POTEJ: variants seen among roughly 807,000 people sequenced by gnomAD.
POTEJ encodes the protein POTE ankyrin domain family member J, also known as POTE ankyrin domain family, member J.
Under a neutral mutation model 69.0 loss-of-function variants are expected in POTEJ, and 11 were observed. That is an observed-to-expected ratio of 0.16 (90% CI 0.10 to 0.26). The LOEUF (loss-of-function observed/expected upper bound fraction) is 0.26, where lower values mean the gene tolerates loss of function less well. Ranked by LOEUF, POTEJ falls within the 10% of genes least tolerant of loss-of-function variation. The probability of loss-of-function intolerance (pLI) is 1.00; values close to 1 mark genes in which losing one functional copy is unlikely to be tolerated. For synonymous variants in POTEJ, 117 were observed against 381.1 expected, an observed-to-expected ratio of 0.31 and a Z score of 8.07; for missense variants, 327 against 1,045.5, an observed-to-expected ratio of 0.31 and a Z score of 9.48.
intron 9 of POTEJ, among the ~76,000 whole-genome samples, chr2:130,638,367 G>T (rs565802580): frequency 6.6e-6 from 1 of 150,876 alleles, no homozygotes; most frequent in South Asian, 2.1e-4. Context: ...TTTCTATTAT[G>T]TCAGGCTAAC....
intron 10 of POTEJ, among the ~76,000 whole-genome samples, chr2:130,641,818 A>T (rs1686388856): frequency 6.6e-6 from 1 of 152,226 alleles, no homozygotes. Flanking sequence ...CTCAGTAATA[A>T]GACTTGTCAA....
Position 130,613,010 on chromosome 2 carries a change from A to G in POTEJ, c.410+1068A>G, listed in dbSNP as rs1419029271. On this transcript the variant is annotated intron_variant, in intron 1 of 14. Coordinates refer to ENST00000409602, the MANE Select transcript of POTEJ (RefSeq NM_001277083.2). ...AAGACATCAATGAATAGAACAGAAT[A>G]GGAAATTTAGAAATACCCAAATATA... Among the ~76,000 whole-genome samples, 3 of 136,248 alleles carry G rather than the reference A, an allele frequency of 2.2e-5. No homozygotes were observed. The East Asian group carries it at 6.0e-4, about 27-fold the overall frequency. 89.4% of individuals were successfully genotyped at this position (136,248 alleles called of 152,430 possible).
intron 13 of POTEJ, among the ~76,000 whole-genome samples, chr2:130,654,621 T>C (rs1397087360): frequency 6.8e-6 from 1 of 148,038 alleles, no homozygotes; most frequent in Non-Finnish European, 1.5e-5. Flanking sequence ...TGGTGAGATA[T>C]AATTATTTCA....
At chr2:130,656,515 G>A (rs1216060054) in intron 14 of POTEJ, 34 bp from the exon 15 acceptor site, 1 of 1,598,312 alleles carries the variant, frequency 6.3e-7, no homozygotes, top group Non-Finnish European at 8.5e-7. Flanking sequence ...TCAATCTATT[G>A]AGTGCTAACT....
chr2:130,622,880 G>A (rs1272478843), intron 5 of POTEJ: 24 of 148,750 alleles, frequency 1.6e-4, no homozygotes, highest in Middle Eastern at 3.2e-3. Flanking sequence ...GGAACAATAC[G>A]GGGAAAGTTA....
In POTEJ at chr2:130,613,225, G is replaced by T. The variant is rs1375399340; in HGVS notation, c.410+1283G>T. Reference sequence around the variant, plus strand: ...ATATAAATGCCTATTTATATACGCAGATATATATACATATATATACATATA... The same window carrying T: ...ATATAAATGCCTATTTATATACGCATATATATATACATATATATACATATA... On this transcript the variant is annotated intron_variant, in intron 1 of 14. Transcript: ENST00000409602. Among the ~76,000 whole-genome samples the T allele has an allele frequency of 2.8e-5, 4 of 141,680 alleles. No individual in the cohort carries two copies. The East Asian group carries it at 8.2e-4, about 29-fold the overall frequency. The allele number at this position is 141,680 out of a possible 152,430, so 92.9% of individuals were successfully genotyped here.
In POTEJ at chr2:130,651,538, AT is replaced by A. The variant is rs576686362; in HGVS notation, c.1668-3372del. ...TTGGTTAATAATAGCTCTCACGAAG[AT>A]TTTTTTTTTTGATACATCATCTTAA... On this transcript the variant is annotated intron_variant, in intron 13 of 14. Transcript: ENST00000409602. Among the ~76,000 whole-genome samples the A allele has an allele frequency of 7.5e-4, 84 of 111,344 alleles. 1 individual carries two copies. The highest frequency in any genetic ancestry group is 1.5e-3 in the African/African-American group (43 of 28,298). The allele number at this position is 111,344 out of a possible 152,430, so 73.0% of individuals were successfully genotyped here.
intron 9 of POTEJ, among the ~76,000 whole-genome samples, chr2:130,637,137 G>A (rs1422073514): frequency 1.4e-5 from 2 of 147,308 alleles, no homozygotes; most frequent in African/African-American, 4.9e-5. Context: ...CCTGGTAATT[G>A]TCTGCATTTT....
In POTEJ at chr2:130,632,188, C is replaced by G. The variant is rs561739133; in HGVS notation, c.1132-302C>G. On this transcript the variant is annotated intron_variant, in intron 8 of 14. Coordinates refer to ENST00000409602, the MANE Select transcript of POTEJ (RefSeq NM_001277083.2). ...ATGGGGTAAATACATACATAAGATT[C>G]TGAAGAGTGATTGAGAATAAAAGCA... Among the ~76,000 whole-genome samples the G allele has an allele frequency of 9.9e-5, 15 of 151,112 alleles. No homozygotes were observed. The South Asian group carries it at 1.0e-3, about 10-fold the overall frequency.
intron 8 of POTEJ, among the ~76,000 whole-genome samples, chr2:130,632,284 A>G (rs1685931340): frequency 6.7e-6 from 1 of 148,984 alleles, no homozygotes; most frequent in Admixed American, 6.6e-5. Context: ...AATGAAGCAA[A>G]CTTTACAAAA....
intron 3 of POTEJ, among the ~76,000 whole-genome samples, chr2:130,618,928 TA>T (rs1199415200): frequency 7.6e-6 from 1 of 131,318 alleles, no homozygotes; most frequent in Non-Finnish European, 1.6e-5. Context: ...TTATTTTTTT[TA>T]TTTTTTTTTA....
intron 6 of POTEJ, among the ~76,000 whole-genome samples, chr2:130,627,315 A>G (rs1300769075): frequency 1.3e-5 from 2 of 150,594 alleles, no homozygotes; most frequent in East Asian, 3.8e-4. Flanking sequence ...AAAGTTGATG[A>G]TAAATGTCCA....
chr2:130,629,314 A>G (rs1217390304), intron 6 of POTEJ, among the ~76,000 whole-genome samples: 1 of 149,952 alleles, frequency 6.7e-6, no homozygotes, highest in Admixed American at 6.6e-5. Flanking sequence ...AAAGGCAGTT[A>G]ATCATATAGT....
intron 13 of POTEJ, among the ~76,000 whole-genome samples, chr2:130,649,380 C>T (rs1191572013): frequency 6.6e-6 from 1 of 152,262 alleles, no homozygotes; most frequent in African/African-American, 2.4e-5. Context: ...TCTGTCCTGA[C>T]ACTTCACATC....
At position 130,656,505 on chromosome 2, in the gene POTEJ, T is replaced by C. The variant is rs1686993343; in HGVS notation, c.1789-44T>C. The C allele has an allele frequency of 1.9e-6, 3 of 1,580,184 alleles. No individual in the cohort carries two copies. The South Asian group carries it at 3.4e-5, about 18-fold the overall frequency. ...GAATTTCAAAAGAAATCATGTTATG[T>C]CAATCTATTGAGTGCTAACTAAAAG... On this transcript the variant is annotated intron_variant, in intron 14 of 14. Transcript: ENST00000409602.
At position 130,611,567 on chromosome 2, in the gene POTEJ, C is replaced by G; in HGVS notation, c.35C>G (p.Ser12Cys). The G allele has an allele frequency of 1.1e-6, 1 of 950,226 alleles. No homozygotes were observed. Among genetic ancestry groups the G allele is most frequent in the East Asian group, 2.4e-5 (1 of 40,988 alleles). 58.9% of individuals were successfully genotyped at this position (950,226 alleles called of 1,614,324 possible). A position where few individuals can be genotyped will look rare whatever the true frequency, so the allele number is the denominator to read the frequency against. The change falls in exon 1 of 15, where the codon TCT becomes TGT. Residue 12 changes from serine to cysteine, a missense_variant. By Grantham distance (112) the Ser-to-Cys change is moderately radical (BLOSUM62 -1). Transcript: ENST00000409602. ...VAEVDSMPAASSVKKPFVLRS... is the reference protein window; with the variant it reads ...VAEVDSMPAACSVKKPFVLRS... ...GAGGTTGATTCAATGCCGGCTGCCT[C>G]TTCTGTGAAGAAGCCATTTGTTCTC... is the stretch of plus-strand genomic sequence containing the variant.
At chr2:130,646,057 C>G in intron 12 of POTEJ, 72 bp from the exon 13 acceptor site, 1 of 1,395,332 alleles carries the variant, frequency 7.2e-7, no homozygotes, top group Non-Finnish European at 9.5e-7. Flanking sequence ...TTTTATCTTT[C>G]TTGGTTTTAG....
At chr2:130,622,794 C>T (rs1431772278) in intron 5 of POTEJ, 9 of 151,758 alleles carry the variant, frequency 5.9e-5, no homozygotes, top group Non-Finnish European at 8.8e-5. Flanking sequence ...AGAGCCAAGC[C>T]TTGTCCATGA....
intron 1 of POTEJ, among the ~76,000 whole-genome samples, chr2:130,615,582 G>T (rs554981238): frequency 7.1e-6 from 1 of 140,606 alleles, no homozygotes; most frequent in Non-Finnish European, 1.5e-5. Flanking sequence ...TAGAGGGAAG[G>T]AACACACACT....
Sources: allele counts gnomAD v4.1 joint callset (sites outside exome capture counted in the v4.1 genomes callset), GRCh38; gene constraint gnomAD v4.1.1; transcripts MANE v1.5; gene names NCBI Gene and HGNC (gene_info 2026-07-23, HGNC 2026-07-21).